The following EPC1 variants were observed in gnomAD, a reference collection of about 807,000 sequenced individuals.
EPC1 encodes the protein enhancer of polycomb 1.
Under a neutral mutation model 98.4 loss-of-function variants are expected in EPC1, and 12 were observed. That is an observed-to-expected ratio of 0.12 (90% CI 0.08 to 0.20). The LOEUF (loss-of-function observed/expected upper bound fraction) is 0.20, where lower values mean the gene tolerates loss of function less well. Ranked by LOEUF, EPC1 falls within the 10% of genes least tolerant of loss-of-function variation. The probability of loss-of-function intolerance (pLI) is 1.00; values close to 1 mark genes in which losing one functional copy is unlikely to be tolerated. For synonymous variants in EPC1, 357 were observed against 363.9 expected, an observed-to-expected ratio of 0.98 and a Z score of 0.21; for missense variants, 729 against 990.5, an observed-to-expected ratio of 0.74 and a Z score of 3.54.
At chr10:32,319,198 A>G (rs1204157351) in intron 1 of EPC1, among the ~76,000 whole-genome samples, 1 of 152,210 alleles carries the variant, frequency 6.6e-6, no homozygotes, top group South Asian at 2.1e-4. Context: ...GGCAGAAGTG[A>G]CTTAAAAATG....
chr10:32,301,036 TTATATCTA>T (rs1160529801), intron 2 of EPC1, among the ~76,000 whole-genome samples: 4 of 112,016 alleles, frequency 3.6e-5, no homozygotes, highest in South Asian at 3.1e-4. Context: ...AGAAGCACAT[TTATATCTA>T]TCTATCTATC....
At chr10:32,323,361 T>A (rs1837054948) in intron 1 of EPC1, among the ~76,000 whole-genome samples, 1 of 152,184 alleles carries the variant, frequency 6.6e-6, no homozygotes, top group South Asian at 2.1e-4. Flanking sequence ...CTTGTTCAAA[T>A]ATGTGTATTT....
chr10:32,292,045 T>C (rs907523482), intron 5 of EPC1: 4 of 152,228 alleles, frequency 2.6e-5, no homozygotes, highest in African/African-American at 9.6e-5. Flanking sequence ...GTGGTTTTCT[T>C]TGGGGATAGG....
At chr10:32,336,790 T>G (rs951083208) in intron 1 of EPC1, among the ~76,000 whole-genome samples, 4 of 152,140 alleles carry the variant, frequency 2.6e-5, no homozygotes, top group African/African-American at 9.7e-5. Context: ...AACCAATATC[T>G]CCATTAAATG....
intron 2 of EPC1, among the ~76,000 whole-genome samples, chr10:32,297,281 T>A (rs965661970): frequency 5.6e-5 from 6 of 107,936 alleles, no homozygotes. Context: ...GGTTAATAAT[T>A]CTTTTTTTTT....
chr10:32,365,418 G>C (rs1839570622), intron 1 of EPC1, among the ~76,000 whole-genome samples: 1 of 152,110 alleles, frequency 6.6e-6, no homozygotes. Context: ...AATTAGCACA[G>C]TCTTATTTAG....
At chr10:32,332,418 CCA>C (rs1156969909) in intron 1 of EPC1, among the ~76,000 whole-genome samples, 1 of 152,122 alleles carries the variant, frequency 6.6e-6, no homozygotes. Flanking sequence ...TAGTCCCCTC[CCA>C]CAGTGAACAA....
At chr10:32,346,087 G>GTCT (rs1396115248) in intron 1 of EPC1, among the ~76,000 whole-genome samples, 1 of 152,232 alleles carries the variant, frequency 6.6e-6, no homozygotes, top group Non-Finnish European at 1.5e-5. Context: ...GACACTGAAA[G>GTCT]TAAGTCTTAT....
chr10:32,293,549 C>T, intron 3 of EPC1, 43 bp downstream of exon 3: 2 of 1,567,820 alleles, frequency 1.3e-6, no homozygotes, highest in Non-Finnish European at 8.7e-7. Flanking sequence ...CAGTTCTTTA[C>T]ATAGAATATG....
intron 4 of EPC1, 130 bp from the exon 5 acceptor site, chr10:32,292,774 C>T (rs1592557524): frequency 1.1e-6 from 1 of 946,838 alleles, no homozygotes; most frequent in East Asian, 2.9e-5. Flanking sequence ...GAGCACAGAT[C>T]ACCAGGAAAT....
chr10:32,283,687 C>T (rs1030882034), intron 10 of EPC1: 5 of 152,160 alleles, frequency 3.3e-5, no homozygotes, highest in Admixed American at 6.5e-5. Context: ...ACATACAAAA[C>T]ATGTATGTTT....
At position 32,347,155 on chromosome 10, in the gene EPC1, C is replaced by T. The variant is rs1564562230; in HGVS notation, c.-240G>A. 7.1e-7 allele frequency: 1 copy of T among 1,399,734 alleles called. No homozygotes were observed. Among genetic ancestry groups the T allele is most frequent in the Non-Finnish European group, 9.3e-7 (1 of 1,080,422 alleles). The allele number at this position is 1,399,734 out of a possible 1,614,324, so 86.7% of individuals were successfully genotyped here. On this transcript the variant is annotated 5_prime_UTR_variant, in exon 1 of 14. The change creates a new upstream start codon in the 5' untranslated region. Transcript: ENST00000319778. ...CAACATGGCGGACATTAAAACTCCA[C>T]TGTGCGCTCTTCAGCCAACCCCAGC...
chr10:32,355,054 T>C (rs918237417), intron 1 of EPC1, among the ~76,000 whole-genome samples: 3 of 152,176 alleles, frequency 2.0e-5, no homozygotes, highest in African/African-American at 7.2e-5. Context: ...GCACAATAAA[T>C]GTAATGCACT....
chr10:32,340,784 C>T (rs1441356907), intron 1 of EPC1, among the ~76,000 whole-genome samples: 1 of 152,046 alleles, frequency 6.6e-6, no homozygotes, highest in Non-Finnish European at 1.5e-5. Flanking sequence ...GAGCTATGAT[C>T]GTGTCACTGC....
At chr10:32,295,654 C>G (rs1835108853) in intron 2 of EPC1, among the ~76,000 whole-genome samples, 1 of 151,998 alleles carries the variant, frequency 6.6e-6, no homozygotes, top group Non-Finnish European at 1.5e-5. Flanking sequence ...TGTTCCTAAC[C>G]AAAATAATGC....
At chr10:32,352,041 G>GT (rs1839127346), upstream of EPC1, among the ~76,000 whole-genome samples, 1 of 105,928 alleles carries the variant, frequency 9.4e-6, no homozygotes, top group African/African-American at 3.7e-5. Context: ...CAGCCATATT[G>GT]ATTTTTTTTT....
chr10:32,270,138 A>T (rs1191523745), intron 13 of EPC1, among the ~76,000 whole-genome samples: 2 of 152,230 alleles, frequency 1.3e-5, no homozygotes, highest in Non-Finnish European at 1.5e-5. Flanking sequence ...CCGAAGACTA[A>T]CACAGATTGG....
chr10:32,274,979 C>T (rs2132649107), intron 10 of EPC1, among the ~76,000 whole-genome samples: 1 of 152,208 alleles, frequency 6.6e-6, no homozygotes, highest in African/African-American at 2.4e-5. Context: ...AGTTTAATTT[C>T]CTAAGTTTGA....
intron 2 of EPC1, among the ~76,000 whole-genome samples, chr10:32,299,169 T>C (rs1835347462): frequency 3.3e-5 from 5 of 152,146 alleles, no homozygotes. Flanking sequence ...GTACATTATA[T>C]TCATAATGGC....
Sources: gnomAD v4.1 joint callset for allele counts (sites outside exome capture counted in the v4.1 genomes callset) on GRCh38, gnomAD v4.1.1 for gene constraint, MANE v1.5 for transcripts, NCBI Gene and HGNC (gene_info 2026-07-23, HGNC 2026-07-21) for gene names.